The following INSR variants were observed in gnomAD, a reference collection of about 807,000 sequenced individuals.
The protein encoded by INSR is IR.
A neutral mutation model predicts 142.6 loss-of-function variants in INSR; 67 were observed. The observed-to-expected ratio is 0.47, with a 90% CI of 0.39 to 0.58. The LOEUF is 0.58. INSR is among the 20% of genes least tolerant of loss of function. The pLI is 0.00. For missense variants in INSR, 1,248 were observed against 1,833.2 expected, an observed-to-expected ratio of 0.68 and a Z score of 5.83; for synonymous variants, 756 against 743.1, an observed-to-expected ratio of 1.02 and a Z score of -0.28.
intron 1 of INSR, among the ~76,000 whole-genome samples, chr19:7,279,212 C>G (rs1214600385): frequency 2.0e-5 from 3 of 151,862 alleles, no homozygotes; most frequent in Non-Finnish European, 4.4e-5. Flanking sequence ...ATAATCCCAG[C>G]CCTTGGGGAG....
Position 7,187,106 on chromosome 19 carries a change from G to C in INSR, c.653-2469C>G, listed in dbSNP as rs146420358. ...TTTTTAAAAAATTTATTTTGAGATG[G>C]AGTCTCACTCTGTCACTCAGGCTGG... On this transcript the variant is annotated intron_variant, in intron 2 of 21. Transcript: ENST00000302850. 6.2e-3 allele frequency among the ~76,000 whole-genome samples: 940 copies of C among 151,808 alleles called. 10 individuals are homozygous for C. The highest frequency in any genetic ancestry group is 0.021 in the African/African-American group (887 of 41,356).
intron 2 of INSR, among the ~76,000 whole-genome samples, chr19:7,203,431 G>A (rs1026093267): frequency 6.6e-6 from 1 of 152,198 alleles, no homozygotes; most frequent in East Asian, 1.9e-4. Flanking sequence ...CACAGAGAGA[G>A]AGAACCGCAG....
At chr19:7,127,793 G>C (rs1401865058) in intron 15 of INSR, among the ~76,000 whole-genome samples, 4 of 152,182 alleles carry the variant, frequency 2.6e-5, no homozygotes, top group Non-Finnish European at 4.4e-5. Flanking sequence ...GCCCAGGCTG[G>C]AGTGCAATGG....
In INSR at chr19:7,119,987, T is replaced by C. The variant is rs1972448543; in HGVS notation, c.3660-404A>G. Among the ~76,000 whole-genome samples the C allele has an allele frequency of 6.6e-6, 1 of 152,134 alleles. No individual in the cohort carries two copies. The highest frequency in any genetic ancestry group is 2.4e-5 in the African/African-American group (1 of 41,426). The stretch of plus-strand genomic sequence containing the variant: ...AACAATTCATGCTGCAGTTCATAAA[T>C]GCTGTGAAAGGAAAATCAATTTGGG... On this transcript the variant is annotated intron_variant, in intron 20 of 21. Coordinates refer to ENST00000302850, the MANE Select transcript of INSR (RefSeq NM_000208.4). This position sits in a 1 kb window ranked among gnomAD's most constrained non-coding sequence, Gnocchi z 5.2.
intron 2 of INSR, among the ~76,000 whole-genome samples, chr19:7,186,101 C>T (rs1209922002): frequency 6.6e-6 from 1 of 152,026 alleles, no homozygotes; most frequent in African/African-American, 2.4e-5. Context: ...GAGGCTGAGG[C>T]AGGAGAATCG....
intron 14 of INSR, among the ~76,000 whole-genome samples, chr19:7,130,001 AG>A (rs1397516436): frequency 6.6e-6 from 1 of 151,372 alleles, no homozygotes; most frequent in Non-Finnish European, 1.5e-5. Context: ...AGCCTCCCAA[AG>A]TTCTGGGATT....
intron 9 of INSR, among the ~76,000 whole-genome samples, chr19:7,155,242 A>G (rs940008639): frequency 2.6e-5 from 4 of 151,944 alleles, no homozygotes; most frequent in African/African-American, 9.7e-5. Flanking sequence ...TTGGCACATT[A>G]AAAAACGTCT....
intron 3 of INSR, among the ~76,000 whole-genome samples, chr19:7,183,063 C>G (rs115918585): frequency 0.026 from 3,953 of 152,112 alleles, 172 homozygotes; most frequent in African/African-American, 0.091. Context: ...TTCACAAACA[C>G]TCAAAGAAAG....
At chr19:7,261,643 G>A (rs1053239210) in intron 2 of INSR, among the ~76,000 whole-genome samples, 7 of 151,912 alleles carry the variant, frequency 4.6e-5, no homozygotes, top group African/African-American at 7.3e-5. Flanking sequence ...TGATTCTCCT[G>A]CCTCAGCCTC....
chr19:7,125,971 G>T lies in INSR; in HGVS notation c.3014-444C>A, dbSNP rs140221311. Among the ~76,000 whole-genome samples, 6 of 152,180 alleles carry T rather than the reference G, an allele frequency of 3.9e-5. No individual in the cohort carries two copies. In the East Asian group the frequency reaches 1.2e-3, roughly 29 times the overall value. On this transcript the variant is annotated intron_variant, in intron 16 of 21. Transcript: ENST00000302850. This position sits in a 1 kb window ranked among gnomAD's most constrained non-coding sequence, Gnocchi z 4.9. ...GTGGAGTCTATCTCACCACCCCTTG[G>T]CCCTGGGCATGGCCTTGTGAGTTAT...
intron 3 of INSR, 56 bp from the exon 4 acceptor site, chr19:7,174,787 T>G: frequency 1.4e-4 from 212 of 1,555,702 alleles, no homozygotes; most frequent in Non-Finnish European, 1.7e-4. Context: ...TGTCACGGTA[T>G]CCAAGGTCCT....
intron 13 of INSR, among the ~76,000 whole-genome samples, chr19:7,140,294 A>G (rs1001316763): frequency 6.6e-6 from 1 of 152,206 alleles, no homozygotes; most frequent in African/African-American, 2.4e-5. Flanking sequence ...AGTTGTTGGC[A>G]AACTCTGGCC....
intron 9 of INSR, 127 bp downstream of exon 9, chr19:7,162,905 T>A (rs1599930458): frequency 2.1e-6 from 1 of 481,552 alleles, no homozygotes; most frequent in Non-Finnish European, 3.6e-6. Context: ...TAGAATGGAG[T>A]GTGTGTGTGT....
intron 8 of INSR, among the ~76,000 whole-genome samples, chr19:7,163,948 A>AAAAAAAAAAAT (rs1411048837): frequency 2.2e-5 from 3 of 136,138 alleles, no homozygotes; most frequent in African/African-American, 6.3e-5. Flanking sequence ...AAAAAAAAAA[A>AAAAAAAAAAAT]ATTAGCTGGA....
At chr19:7,137,044 G>T (rs1254658722) in intron 13 of INSR, among the ~76,000 whole-genome samples, 1 of 151,832 alleles carries the variant, frequency 6.6e-6, no homozygotes, top group East Asian at 1.9e-4. Flanking sequence ...TGCTGGCCAG[G>T]CTGGTCTTGA....
chr19:7,136,937 A>G (rs1405616447), intron 13 of INSR, among the ~76,000 whole-genome samples: 3 of 151,242 alleles, frequency 2.0e-5, no homozygotes, highest in Non-Finnish European at 4.4e-5. Flanking sequence ...GGTTCAAGTG[A>G]TTCTCTTGTC....
At chr19:7,149,657 A>C (rs1244530084) in intron 11 of INSR, among the ~76,000 whole-genome samples, 1 of 152,086 alleles carries the variant, frequency 6.6e-6, no homozygotes. Context: ...CCCTGTCTCT[A>C]CTAAAAGTAC....
intron 2 of INSR, among the ~76,000 whole-genome samples, chr19:7,226,251 CA>C (rs941837625): frequency 3.1e-4 from 47 of 149,426 alleles, no homozygotes; most frequent in African/African-American, 1.0e-3. Flanking sequence ...ACTAAAAATA[CA>C]AAAAAAAATT....
intron 1 of INSR, chr19:7,268,442 C>G (rs1255317525): frequency 5.1e-6 from 5 of 985,174 alleles, no homozygotes; most frequent in Middle Eastern, 5.2e-4. Flanking sequence ...CCCAGGGAGC[C>G]CGATCTCCAT....
Sources: allele counts gnomAD v4.1 joint callset (sites outside exome capture counted in the v4.1 genomes callset), GRCh38; gene constraint gnomAD v4.1.1; non-coding constraint Gnocchi (gnomAD v3.1); transcripts MANE v1.5; gene names NCBI Gene and HGNC (gene_info 2026-07-23, HGNC 2026-07-21).